The following PDGFD variants were observed in gnomAD, a reference collection of about 807,000 sequenced individuals.
The protein encoded by PDGFD is platelet-derived growth factor D.
A neutral mutation model predicts 44.7 loss-of-function variants in PDGFD; 30 were observed. The ratio of observed to expected loss-of-function variants is 0.67; its 90% CI spans 0.50 to 0.91. The LOEUF is 0.91. Ranked by LOEUF, PDGFD falls within the 40% of genes least tolerant of loss-of-function variation. The probability of loss-of-function intolerance (pLI) is 0.00; values close to 1 mark genes in which losing one functional copy is unlikely to be tolerated. For missense variants in PDGFD, 445 were observed against 457.8 expected (o/e 0.97, Z 0.25); for synonymous variants, 173 against 168.4 (o/e 1.03, Z -0.21).
intron 1 of PDGFD, among the ~76,000 whole-genome samples, chr11:104,077,726 A>G (rs79198670): frequency 1.2e-5 from 1 of 80,542 alleles, no homozygotes; most frequent in East Asian, 2.3e-4. Flanking sequence ...CATAGCACAG[A>G]AAAAAAAAAC....
chr11:103,951,259 G>A lies in PDGFD; in HGVS notation c.511-3535C>T, dbSNP rs371505891. On this transcript the variant is annotated intron_variant, in intron 3 of 6. Transcript: ENST00000393158. Reference sequence around the variant, plus strand: ...ACATCCCTTATAAAAATAAAACACCGAACCTCCAAGGTTTTAGCCCTGAAA... The same window carrying A: ...ACATCCCTTATAAAAATAAAACACCAAACCTCCAAGGTTTTAGCCCTGAAA... Among the ~76,000 whole-genome samples the A allele has an allele frequency of 1.6e-4, 24 of 152,128 alleles. No individual in the cohort carries two copies. The East Asian group carries it at 3.5e-3, about 22-fold the overall frequency.
At chr11:103,989,061 A>T (rs1351328362) in intron 3 of PDGFD, among the ~76,000 whole-genome samples, 2 of 152,094 alleles carry the variant, frequency 1.3e-5, no homozygotes, top group Non-Finnish European at 2.9e-5. Context: ...TATTATTATC[A>T]TCATCAGGAC....
At chr11:103,989,151 T>C (rs1269543203) in intron 3 of PDGFD, among the ~76,000 whole-genome samples, 3 of 152,184 alleles carry the variant, frequency 2.0e-5, no homozygotes, top group Non-Finnish European at 2.9e-5. Flanking sequence ...ATGAACTCTA[T>C]CAAAGTTCTC....
intron 1 of PDGFD, among the ~76,000 whole-genome samples, chr11:104,017,596 T>C (rs1283952387): frequency 6.6e-6 from 1 of 152,232 alleles, no homozygotes; most frequent in Non-Finnish European, 1.5e-5. Context: ...TAAATTCCAA[T>C]GCCTAAACAC....
chr11:103,955,299 G>A (rs552323166), intron 3 of PDGFD, among the ~76,000 whole-genome samples: 4 of 150,702 alleles, frequency 2.7e-5, no homozygotes, highest in Admixed American at 6.6e-5. Context: ...GACCCACTGA[G>A]GGAAATCCAA....
intron 1 of PDGFD, among the ~76,000 whole-genome samples, chr11:104,031,065 T>C (rs11226121): frequency 0.3 from 45,760 of 152,142 alleles, 8,474 homozygotes; most frequent in Admixed American, 0.49. Context: ...CAATACTATT[T>C]GGGACATGGG....
chr11:103,926,830 C>A, intron 6 of PDGFD, 82 bp downstream of exon 6: 1 of 1,408,566 alleles, frequency 7.1e-7, no homozygotes, highest in Non-Finnish European at 9.7e-7. Flanking sequence ...CAGTGAACAA[C>A]CTGAACAACT....
chr11:103,939,553 C>G (rs1786814934), intron 5 of PDGFD, among the ~76,000 whole-genome samples: 1 of 152,090 alleles, frequency 6.6e-6, no homozygotes, highest in East Asian at 1.9e-4. Context: ...TTATTTCCTT[C>G]TCCTGCCTGA....
chr11:104,090,220 G>A (rs998845203), intron 1 of PDGFD, among the ~76,000 whole-genome samples: 1 of 152,062 alleles, frequency 6.6e-6, no homozygotes, highest in Non-Finnish European at 1.5e-5. Flanking sequence ...TACAGAAATA[G>A]ATTTTCCAAT....
chr11:104,102,577 G>A (rs12292414), intron 1 of PDGFD, among the ~76,000 whole-genome samples: 8,400 of 152,150 alleles, frequency 0.055, 362 homozygotes, highest in African/African-American at 0.12. Flanking sequence ...TCCATTACTG[G>A]ATATATACTC....
At chr11:103,986,138 G>T (rs566707725) in intron 3 of PDGFD, among the ~76,000 whole-genome samples, 2 of 152,230 alleles carry the variant, frequency 1.3e-5, no homozygotes, top group African/African-American at 4.8e-5. Context: ...ACTGATAAAG[G>T]GAACATTTAG....
intron 1 of PDGFD, among the ~76,000 whole-genome samples, chr11:104,139,241 A>G (rs566212617): frequency 7.9e-5 from 12 of 152,316 alleles, no homozygotes; most frequent in Non-Finnish European, 1.8e-4. Flanking sequence ...AAGGAATTGT[A>G]GAACAACTGA....
At chr11:103,933,139 T>G (rs1858431899) in intron 5 of PDGFD, among the ~76,000 whole-genome samples, 1 of 152,208 alleles carries the variant, frequency 6.6e-6, no homozygotes, top group African/African-American at 2.4e-5. Context: ...TGAAAAGTGC[T>G]AAACATTTCC....
At chr11:103,954,925 G>A (rs1858814619) in intron 3 of PDGFD, among the ~76,000 whole-genome samples, 4 of 151,922 alleles carry the variant, frequency 2.6e-5, no homozygotes, top group South Asian at 2.1e-4. Flanking sequence ...AGCACTTTGG[G>A]AGGCCGAGGC....
chr11:103,978,036 A>T (rs1859209162), intron 3 of PDGFD, among the ~76,000 whole-genome samples: 1 of 152,076 alleles, frequency 6.6e-6, no homozygotes, highest in Non-Finnish European at 1.5e-5. Context: ...AGGATATGAG[A>T]TTGCTGCAGC....
intron 3 of PDGFD, among the ~76,000 whole-genome samples, chr11:103,985,670 TGTAAGGAAAAGGGAGA>T (rs1284078496): frequency 1.3e-5 from 2 of 149,152 alleles, no homozygotes; most frequent in African/African-American, 5.2e-5. Context: ...AAAGAATATG[TGTAAGGAAAAGGGAGA>T]ATTGAAACTA....
chr11:103,927,355 C>A (rs969157994), intron 5 of PDGFD, among the ~76,000 whole-genome samples: 10 of 152,134 alleles, frequency 6.6e-5, no homozygotes, highest in African/African-American at 2.4e-4. Flanking sequence ...AAACAAAAAC[C>A]TTGGCTAAAA....
intron 1 of PDGFD, among the ~76,000 whole-genome samples, chr11:104,011,093 G>C (rs1030739618): frequency 6.6e-6 from 1 of 152,026 alleles, no homozygotes; most frequent in Non-Finnish European, 1.5e-5. Context: ...TCAATAATGA[G>C]GATTTTCTCA....
At chr11:103,996,969 C>T (rs981565451) in intron 2 of PDGFD, among the ~76,000 whole-genome samples, 8 of 152,188 alleles carry the variant, frequency 5.3e-5, no homozygotes, top group African/African-American at 1.7e-4. Flanking sequence ...TTCAAGAAGA[C>T]AGCAAAAGCT....
Sources: allele counts gnomAD v4.1 joint callset (sites outside exome capture counted in the v4.1 genomes callset), GRCh38; gene constraint gnomAD v4.1.1; transcripts MANE v1.5; gene names NCBI Gene and HGNC (gene_info 2026-07-23, HGNC 2026-07-21).